Variants in MCOLN2 observed in about 807,000 individuals in gnomAD.
MCOLN2 encodes the protein mucolipin-2.
In MCOLN2, 57 loss-of-function variants were observed where a neutral mutation model predicts 67.5. The ratio of observed to expected loss-of-function variants is 0.84; its 90% CI spans 0.68 to 1.05. The LOEUF (loss-of-function observed/expected upper bound fraction) is 1.05. Ranked by LOEUF, MCOLN2 falls within the 50% of genes least tolerant of loss-of-function variation. The pLI is 0.00. For missense variants in MCOLN2, 620 were observed against 678.8 expected, an observed-to-expected ratio of 0.91 and a Z score of 0.96; for synonymous variants, 246 against 233.3, an observed-to-expected ratio of 1.05 and a Z score of -0.50.
At chr1:84,984,877 C>T (rs902362317) in intron 1 of MCOLN2, among the ~76,000 whole-genome samples, 1 of 152,128 alleles carries the variant, frequency 6.6e-6, no homozygotes, top group African/African-American at 2.4e-5. Flanking sequence ...TGCCTGTAGT[C>T]CCAGCTACTT....
intron 11 of MCOLN2, among the ~76,000 whole-genome samples, chr1:84,934,832 G>T (rs1647333936): frequency 6.6e-6 from 1 of 152,304 alleles, no homozygotes; most frequent in East Asian, 1.9e-4. Flanking sequence ...CATTAGTGCT[G>T]GGAATACACA....
At chr1:84,967,797 G>C (rs1649458340) in intron 1 of MCOLN2, among the ~76,000 whole-genome samples, 1 of 133,802 alleles carries the variant, frequency 7.5e-6, no homozygotes, top group Admixed American at 7.6e-5. Flanking sequence ...AGAAAAAGGA[G>C]AGAGGGAGGG....
At chr1:84,995,243 G>A (rs1415030629) in intron 1 of MCOLN2, among the ~76,000 whole-genome samples, 1 of 138,100 alleles carries the variant, frequency 7.2e-6, no homozygotes, top group East Asian at 2.4e-4. Context: ...GTGACATAGA[G>A]ACACAAAGTG....
chr1:84,926,642 G>A lies in MCOLN2; in HGVS notation c.*43C>T, dbSNP rs1470099868. 12 of 1,476,494 alleles carry A rather than the reference G, an allele frequency of 8.1e-6. No individual in the cohort carries two copies. The highest frequency in any genetic ancestry group is 4.0e-5 in the South Asian group (3 of 74,348). 91.5% of individuals were successfully genotyped at this position (1,476,494 alleles called of 1,614,324 possible). A position where few individuals can be genotyped will look rare whatever the true frequency, so the allele number is the denominator to read the frequency against. ...TCATTTGGGGTTCCTCTGCTCAGCC[G>A]CTGGATAAGGATGCCTGAACTTTAA... On this transcript the variant is annotated 3_prime_UTR_variant, in exon 14 of 14. Transcript: ENST00000370608.
In MCOLN2 at chr1:84,986,440, G is replaced by A. The variant is rs574155679; in HGVS notation, c.77+10356C>T. Among the ~76,000 whole-genome samples the A allele has an allele frequency of 2.0e-5, 3 of 152,046 alleles. No individual in the cohort carries two copies. The South Asian group carries it at 6.2e-4, about 32-fold the overall frequency. On this transcript the variant is annotated intron_variant, in intron 1 of 13. Transcript: ENST00000370608. ...TGCCTATAATCCCAGCTACTAGGGA[G>A]GCTGAGGCAGGAGAATCACTTGAAC...
chr1:84,991,909 G>T (rs1333225536), intron 1 of MCOLN2, among the ~76,000 whole-genome samples: 1 of 152,214 alleles, frequency 6.6e-6, no homozygotes, highest in Non-Finnish European at 1.5e-5. Context: ...AACTGAGGAA[G>T]ATGACTGGAA....
At position 84,958,703 on chromosome 1, in the gene MCOLN2, C is replaced by A; in HGVS notation, c.238-1G>T. On this transcript the variant is annotated splice_acceptor_variant, in intron 2 of 13. Coordinates refer to ENST00000370608, the MANE Select transcript of MCOLN2 (RefSeq NM_153259.4). LOFTEE classifies it high-confidence loss of function. Reference sequence around the variant, plus strand: ...GGTTACTTAAACCAAAACGAACAAGCTAAAAAATAAAATAAAATAGAAACA... The same window carrying A: ...GGTTACTTAAACCAAAACGAACAAGATAAAAAATAAAATAAAATAGAAACA... 1 of 1,564,284 alleles carries A rather than the reference C, an allele frequency of 6.4e-7. No individual in the cohort carries two copies. Among genetic ancestry groups the A allele is most frequent in the Non-Finnish European group, 8.6e-7 (1 of 1,161,170 alleles).
At chr1:84,940,024 G>C (rs1647665498) in intron 8 of MCOLN2, among the ~76,000 whole-genome samples, 1 of 152,040 alleles carries the variant, frequency 6.6e-6, no homozygotes, top group African/African-American at 2.4e-5. Flanking sequence ...CAATGAAGCA[G>C]GTACGAGCAG....
intron 12 of MCOLN2, 194 bp from the exon 13 acceptor site, chr1:84,929,873 G>A: frequency 1.1e-5 from 4 of 379,364 alleles, no homozygotes; most frequent in South Asian, 6.4e-5. Context: ...TGGGAACAGA[G>A]AACAATCCAA....
chr1:84,975,953 C>T (rs1404946233), intron 1 of MCOLN2, among the ~76,000 whole-genome samples: 7 of 151,578 alleles, frequency 4.6e-5, no homozygotes. Context: ...TTAGTGAGCT[C>T]CAAGACAGGC....
At chr1:84,935,561 A>G (rs1647379348) in intron 11 of MCOLN2, among the ~76,000 whole-genome samples, 1 of 152,250 alleles carries the variant, frequency 6.6e-6, no homozygotes, top group Admixed American at 6.5e-5. Flanking sequence ...ACTAGTATGG[A>G]GGAATGTAAA....
chr1:84,927,772 C>T (rs1661230795), intron 13 of MCOLN2, among the ~76,000 whole-genome samples: 1 of 152,146 alleles, frequency 6.6e-6, no homozygotes, highest in Non-Finnish European at 1.5e-5. Context: ...TTAGTCCATT[C>T]TTCTGTCCCT....
At chr1:84,944,378 C>CA (rs1267548696) in intron 7 of MCOLN2, among the ~76,000 whole-genome samples, 2 of 152,058 alleles carry the variant, frequency 1.3e-5, no homozygotes, top group South Asian at 4.2e-4. Context: ...ACTAAAAATA[C>CA]AAAAAATAGT....
At position 84,936,135 on chromosome 1, in the gene MCOLN2, G is replaced by A. The variant is rs1570950938; in HGVS notation, c.1335+1620C>T. Reference sequence around the variant, plus strand: ...CCTATTCTCTGTAACAGGACAATCAGATTTCTTCACAGAGAAGGGGAGGGA... The same window carrying A: ...CCTATTCTCTGTAACAGGACAATCAAATTTCTTCACAGAGAAGGGGAGGGA... On this transcript the variant is annotated intron_variant, in intron 11 of 13. Transcript: ENST00000370608. 3.9e-5 allele frequency among the ~76,000 whole-genome samples: 6 copies of A among 152,222 alleles called. 1 individual carries two copies. Among genetic ancestry groups the A allele is most frequent in the Admixed American group, 3.9e-4 (6 of 15,292 alleles).
At chr1:84,966,711 T>A (rs1649397833) in intron 1 of MCOLN2, among the ~76,000 whole-genome samples, 1 of 152,190 alleles carries the variant, frequency 6.6e-6, no homozygotes, top group Admixed American at 6.5e-5. Context: ...AAAATTTTGC[T>A]TTTACTATTT....
intron 1 of MCOLN2, among the ~76,000 whole-genome samples, chr1:84,982,910 G>A (rs145823625): frequency 2.1e-3 from 326 of 152,174 alleles, no homozygotes; most frequent in African/African-American, 7.3e-3. Context: ...TAGTGACAGG[G>A]TTTCACTGCG....
chr1:84,938,184 G>A, intron 9 of MCOLN2, 102 bp from the exon 10 acceptor site: 1 of 710,666 alleles, frequency 1.4e-6, no homozygotes, highest in Non-Finnish European at 2.3e-6. Flanking sequence ...AGAACTATCT[G>A]CCTCCCTATA....
chr1:84,948,943 A>G (rs1648267550), intron 6 of MCOLN2, among the ~76,000 whole-genome samples: 1 of 152,192 alleles, frequency 6.6e-6, no homozygotes, highest in Non-Finnish European at 1.5e-5. Context: ...CAGCCTGGCC[A>G]ACATGGTGAA....
chr1:84,954,202 T>C (rs763311219), intron 4 of MCOLN2, among the ~76,000 whole-genome samples: 25 of 152,228 alleles, frequency 1.6e-4, no homozygotes, highest in Non-Finnish European at 3.2e-4. Context: ...TTAGATGTCC[T>C]GAGCCAGAAA....
Sources: gnomAD v4.1 joint callset for allele counts (sites outside exome capture counted in the v4.1 genomes callset) on GRCh38, gnomAD v4.1.1 for gene constraint, MANE v1.5 for transcripts, NCBI Gene and HGNC (gene_info 2026-07-23, HGNC 2026-07-21) for gene names.